MICU1: variants seen among roughly 807,000 people sequenced by gnomAD.
MICU1 encodes the protein mitochondrial calcium uptake 1, also known as calcium uptake protein 1, mitochondrial.
Under a neutral mutation model 56.8 loss-of-function variants are expected in MICU1, and 45 were observed. The observed-to-expected ratio is 0.79, with a 90% CI of 0.62 to 1.02. MICU1 has a LOEUF of 1.02. MICU1 is among the 50% of genes least tolerant of loss of function. MICU1 has a pLI of 0.00. For synonymous variants in MICU1, 186 were observed against 195.1 expected, an observed-to-expected ratio of 0.95 and a Z score of 0.39; for missense variants, 504 against 587.1, an observed-to-expected ratio of 0.86 and a Z score of 1.46.
chr10:72,377,460 A>G (rs1365780185), intron 10 of MICU1, among the ~76,000 whole-genome samples: 1 of 152,162 alleles, frequency 6.6e-6, no homozygotes, highest in Non-Finnish European at 1.5e-5. Flanking sequence ...TTCTTTTAAA[A>G]AATATATATT....
intron 6 of MICU1, among the ~76,000 whole-genome samples, chr10:72,481,134 A>G (rs1219905646): frequency 6.6e-6 from 1 of 152,218 alleles, no homozygotes; most frequent in Non-Finnish European, 1.5e-5. Context: ...TCTTTCTAGA[A>G]AGAGCTCTCA....
At chr10:72,551,481 A>G (rs1840034380) in intron 3 of MICU1, 140 bp from the exon 4 acceptor site, 2 of 558,682 alleles carry the variant, frequency 3.6e-6, no homozygotes. Flanking sequence ...TTCTATACTT[A>G]GTTTTTTAAT....
chr10:72,606,545 A>C lies in MICU1; in HGVS notation c.-2+19465T>G, dbSNP rs147905925. Among the ~76,000 whole-genome samples, 516 of 152,158 alleles carry C rather than the reference A, an allele frequency of 3.4e-3. 3 individuals carry two copies. The highest frequency in any genetic ancestry group is 0.011 in the African/African-American group (467 of 41,512). On this transcript the variant is annotated intron_variant, in intron 1 of 11. Transcript: ENST00000361114. ...AAAAATTTTTTTTTAAGTAAGACTTAATCATGAACTTATCTATCCTTGCTA... is the reference window on the plus strand; with the variant it reads ...AAAAATTTTTTTTTAAGTAAGACTTCATCATGAACTTATCTATCCTTGCTA...
intron 11 of MICU1, among the ~76,000 whole-genome samples, chr10:72,374,615 T>G (rs1021182415): frequency 6.6e-6 from 1 of 152,144 alleles, no homozygotes; most frequent in African/African-American, 2.4e-5. Context: ...GTGATTCTTA[T>G]GCTGGGACCA....
Position 72,551,260 on chromosome 10 carries a change from T to C in MICU1, c.412A>G (p.Ser138Gly). Residue 138 changes from serine to glycine, a missense_variant, in exon 4 of 12, where the codon AGT becomes GGT. Transcript: ENST00000361114. Reference sequence around the variant, plus strand: ...AACACTTCTGCTTCACCAGGCTCACTGATGACTTTCAAGGTGGCAAAATAT... The same window carrying C: ...AACACTTCTGCTTCACCAGGCTCACCGATGACTTTCAAGGTGGCAAAATAT... ...FRYFATLKVI[S>G]EPGEAEVFMT... is the part of the protein sequence containing the mutation. 1.2e-6 allele frequency: 2 copies of C among 1,613,624 alleles called. No individual in the cohort carries two copies. Among genetic ancestry groups the C allele is most frequent in the South Asian group, 1.1e-5 (1 of 91,010 alleles).
At chr10:72,401,645 C>A (rs539511571) in intron 10 of MICU1, among the ~76,000 whole-genome samples, 1 of 152,256 alleles carries the variant, frequency 6.6e-6, no homozygotes, top group Non-Finnish European at 1.5e-5. Flanking sequence ...CAGAGTGAGA[C>A]CCTGTCTCAA....
chr10:72,368,238 C>T lies in MICU1; in HGVS notation c.1388G>A (p.Cys463Tyr), dbSNP rs1432929782. ...GAAGTCCCAGGCAGTTTCCTGTGCA[C>T]ATTTCCACATGGCCTGCATGAGGCG... ...FTRLMQAMWK[C>Y]AQETAWDFAL... The change falls in exon 12 of 12, where the codon TGT becomes TAT. Residue 463 changes from cysteine to tyrosine, a missense_variant. Coordinates refer to ENST00000361114, the MANE Select transcript of MICU1 (RefSeq NM_001195518.2). The T allele has an allele frequency of 1.9e-6, 3 of 1,613,920 alleles. No individual in the cohort carries two copies. Among genetic ancestry groups the T allele is most frequent in the Non-Finnish European group, 2.5e-6 (3 of 1,179,862 alleles).
intron 10 of MICU1, among the ~76,000 whole-genome samples, chr10:72,406,928 T>C (rs976598362): frequency 6.6e-6 from 1 of 152,154 alleles, no homozygotes; most frequent in Admixed American, 6.6e-5. Flanking sequence ...TGCCTGACTA[T>C]ATTCATACAA....
intron 1 of MICU1, among the ~76,000 whole-genome samples, chr10:72,570,670 A>C (rs530426896): frequency 1.3e-5 from 2 of 152,324 alleles, no homozygotes; most frequent in Admixed American, 1.3e-4. Flanking sequence ...AATTGGACCT[A>C]AATCTTGCCC....
intron 10 of MICU1, among the ~76,000 whole-genome samples, chr10:72,391,774 G>A (rs1863080130): frequency 6.6e-6 from 1 of 152,164 alleles, no homozygotes; most frequent in African/African-American, 2.4e-5. Flanking sequence ...AATGTATGTA[G>A]TGAATACATA....
At chr10:72,484,326 C>G (rs1459699548) in intron 6 of MICU1, among the ~76,000 whole-genome samples, 1 of 150,924 alleles carries the variant, frequency 6.6e-6, no homozygotes, top group Non-Finnish European at 1.5e-5. Flanking sequence ...TATGTAAATG[C>G]ATTAATCTAG....
At chr10:72,623,798 C>G (rs1265627088) in intron 1 of MICU1, among the ~76,000 whole-genome samples, 1 of 152,098 alleles carries the variant, frequency 6.6e-6, no homozygotes, top group Non-Finnish European at 1.5e-5. Context: ...GAGATCACAC[C>G]ACTGCACTCC....
intron 1 of MICU1, among the ~76,000 whole-genome samples, chr10:72,612,011 C>CAAAAAAAAAAAAAAAAAAAA (rs55767300): frequency 8.3e-6 from 1 of 119,964 alleles, no homozygotes; most frequent in Non-Finnish European, 1.7e-5. Context: ...ACCAACCAAC[C>CAAAAAAAAAAAAAAAAAAAA]AAAAAAAAAA....
At chr10:72,472,430 A>T (rs1209059671) in intron 8 of MICU1, among the ~76,000 whole-genome samples, 1 of 152,358 alleles carries the variant, frequency 6.6e-6, no homozygotes, top group Non-Finnish European at 1.5e-5. Flanking sequence ...GCGATGAAGA[A>T]AAAACCCTTT....
chr10:72,391,603 A>C (rs1163519160), intron 10 of MICU1, among the ~76,000 whole-genome samples: 1 of 152,178 alleles, frequency 6.6e-6, no homozygotes, highest in Non-Finnish European at 1.5e-5. Flanking sequence ...TTTAAAGTAC[A>C]GTTGGCCCTG....
chr10:72,375,415 T>A (rs1589149101), intron 11 of MICU1, among the ~76,000 whole-genome samples: 1 of 152,216 alleles, frequency 6.6e-6, no homozygotes, highest in Admixed American at 6.5e-5. Flanking sequence ...GTGCCCTGGG[T>A]GGTGGAGAGA....
rs1333588604 is a variant in MICU1 at position 72,550,785 on chromosome 10, T to C, written c.493+394A>G. On this transcript the variant is annotated intron_variant, in intron 4 of 11. Coordinates refer to ENST00000361114, the MANE Select transcript of MICU1 (RefSeq NM_001195518.2). Reference sequence around the variant, plus strand: ...CCTTTTCATTCAACTGAAAGCATTTTCTAATTTCCTTTGTGATTATATATT... The same window carrying C: ...CCTTTTCATTCAACTGAAAGCATTTCCTAATTTCCTTTGTGATTATATATT... Among the ~76,000 whole-genome samples, 4 of 152,218 alleles carry C rather than the reference T, an allele frequency of 2.6e-5. No homozygotes were observed. In the East Asian group the frequency reaches 7.7e-4, roughly 29 times the overall value.
chr10:72,611,033 G>A (rs1841829535), intron 1 of MICU1, among the ~76,000 whole-genome samples: 2 of 151,982 alleles, frequency 1.3e-5, no homozygotes, highest in African/African-American at 2.4e-5. Flanking sequence ...GGCCAGGCGC[G>A]GTGGCTCACG....
intron 10 of MICU1, among the ~76,000 whole-genome samples, chr10:72,384,163 T>C (rs1185752678): frequency 6.6e-6 from 1 of 151,966 alleles, no homozygotes; most frequent in Non-Finnish European, 1.5e-5. Flanking sequence ...CTGGCTAATT[T>C]TTGTATTTTT....
Sources: gnomAD v4.1 joint callset for allele counts (sites outside exome capture counted in the v4.1 genomes callset) on GRCh38, gnomAD v4.1.1 for gene constraint, MANE v1.5 for transcripts, NCBI Gene and HGNC (gene_info 2026-07-23, HGNC 2026-07-21) for gene names.